The following PTPRT variants were observed in gnomAD, a reference collection of about 807,000 sequenced individuals.
The protein encoded by PTPRT is protein tyrosine phosphatase receptor type T.
In PTPRT, 56 loss-of-function variants were observed where a neutral mutation model predicts 176.8. That is an observed-to-expected ratio of 0.32 (90% CI 0.26 to 0.40). PTPRT has a LOEUF of 0.40. Ranked by LOEUF, PTPRT falls within the 10% of genes least tolerant of loss-of-function variation. The probability of loss-of-function intolerance (pLI) is 1.00; values close to 1 mark genes in which losing one functional copy is unlikely to be tolerated. For missense variants in PTPRT, 1,540 were observed against 1,908.2 expected, an observed-to-expected ratio of 0.81 and a Z score of 3.60; for synonymous variants, 783 against 739.0, an observed-to-expected ratio of 1.06 and a Z score of -0.96.
intron 1 of PTPRT, among the ~76,000 whole-genome samples, chr20:43,080,401 T>TA (rs1219002967): frequency 2.0e-5 from 3 of 152,262 alleles, no homozygotes; most frequent in African/African-American, 7.2e-5. Flanking sequence ...ATTTTGGAGT[T>TA]ACTGCTACAG....
intron 15 of PTPRT, among the ~76,000 whole-genome samples, chr20:42,211,532 A>G (rs1402779851): frequency 6.7e-6 from 1 of 149,726 alleles, no homozygotes; most frequent in East Asian, 2.0e-4. Flanking sequence ...TGCAGCCAAA[A>G]AACACATGAA....
At chr20:42,127,085 G>A (rs1234009180) in intron 19 of PTPRT, among the ~76,000 whole-genome samples, 1 of 152,242 alleles carries the variant, frequency 6.6e-6, no homozygotes, top group Non-Finnish European at 1.5e-5. Flanking sequence ...AGTGATGGAG[G>A]AGCCAAGATG....
Position 43,178,663 on chromosome 20 carries a change from CTGTTAAGTGCATTTG to C in PTPRT, c.88+10968_88+10982del, listed in dbSNP as rs2015177996. 2.6e-5 allele frequency among the ~76,000 whole-genome samples: 4 copies of C among 152,290 alleles called. No homozygotes were observed. In the South Asian group the frequency reaches 8.3e-4, roughly 32 times the overall value. On this transcript the variant is annotated intron_variant, in intron 1 of 30. Transcript: ENST00000373187. ...GCAGAACAAGTTCCTTGACCCAGGCCTGTTAAGTGCATTTGTGCAGGTTCCACACAACAACAGGCA... is the reference window on the plus strand; with the variant it reads ...GCAGAACAAGTTCCTTGACCCAGGCCTGCAGGTTCCACACAACAACAGGCA...
At chr20:42,767,195 G>C (rs2076994864) in intron 5 of PTPRT, among the ~76,000 whole-genome samples, 1 of 152,138 alleles carries the variant, frequency 6.6e-6, no homozygotes, top group South Asian at 2.1e-4. Flanking sequence ...GAGTCAACTT[G>C]ACTGTAACAG....
chr20:42,244,676 A>G (rs542658765), intron 14 of PTPRT, among the ~76,000 whole-genome samples: 4 of 152,320 alleles, frequency 2.6e-5, no homozygotes, highest in African/African-American at 9.6e-5. Flanking sequence ...TTCAGACTCC[A>G]GGAAGTGTGT....
Position 42,248,687 on chromosome 20 carries a change from C to T in PTPRT, c.2312G>A (p.Arg771Lys). The change falls in exon 14 of 31, where the codon AGA becomes AAA. Residue 771 changes from arginine to lysine, a missense_variant and splice_region_variant. Arg to Lys is a conservative substitution (Grantham distance 26). Around this residue, in one of 11 missense-constraint regions of PTPRT, gnomAD observed 255 missense variants for 250.1 expected, o/e 1.02. Coordinates refer to ENST00000373187, the MANE Select transcript of PTPRT (RefSeq NM_007050.6). ...LLGVMLTIKR[R>K]RNAYSYSYYL... ...CTTGCAGGCAGCAGCAGAGACTCAC[C>T]TCCTTTTGATGGTGAGCATCACGCC... 6.2e-7 allele frequency: 1 copy of T among 1,613,758 alleles called. No individual in the cohort carries two copies. The highest frequency in any genetic ancestry group is 8.5e-7 in the Non-Finnish European group (1 of 1,179,802).
intron 16 of PTPRT, among the ~76,000 whole-genome samples, chr20:42,176,259 T>C (rs575975754): frequency 3.9e-5 from 6 of 152,214 alleles, no homozygotes; most frequent in Admixed American, 1.3e-4. Flanking sequence ...TCATCTGTCA[T>C]GTCTTCTAAT....
intron 22 of PTPRT, among the ~76,000 whole-genome samples, chr20:42,114,158 C>T (rs1051380925): frequency 6.6e-6 from 1 of 152,164 alleles, no homozygotes; most frequent in East Asian, 1.9e-4. Flanking sequence ...AGAAATGGAA[C>T]CTATGGTGTA....
chr20:43,099,069 G>T (rs1208071398), intron 1 of PTPRT, among the ~76,000 whole-genome samples: 2 of 151,884 alleles, frequency 1.3e-5, no homozygotes, highest in Non-Finnish European at 2.9e-5. Context: ...TCTACCTCGG[G>T]TGATGGCAGT....
intron 1 of PTPRT, among the ~76,000 whole-genome samples, chr20:43,168,051 A>G (rs2014900693): frequency 6.6e-6 from 1 of 152,262 alleles, no homozygotes; most frequent in African/African-American, 2.4e-5. Context: ...TAACTAGTAC[A>G]GGGTCCAACT....
intron 1 of PTPRT, among the ~76,000 whole-genome samples, chr20:43,140,478 G>A (rs1458360979): frequency 1.4e-5 from 1 of 73,034 alleles, no homozygotes; most frequent in South Asian, 4.5e-4. Flanking sequence ...GTGTGTGTGT[G>A]TGTGTGTGTG....
intron 7 of PTPRT, among the ~76,000 whole-genome samples, chr20:42,606,184 T>C (rs1277820128): frequency 1.3e-5 from 2 of 152,126 alleles, no homozygotes; most frequent in African/African-American, 4.8e-5. Context: ...TTCACTCACC[T>C]CTAATTCCCT....
intron 1 of PTPRT, among the ~76,000 whole-genome samples, chr20:43,154,160 A>G (rs1289071918): frequency 3.3e-5 from 5 of 152,198 alleles, no homozygotes; most frequent in African/African-American, 7.2e-5. Flanking sequence ...TGGGACTTAT[A>G]TTTAAGTCTT....
intron 2 of PTPRT, among the ~76,000 whole-genome samples, chr20:42,870,419 T>C (rs1421123926): frequency 2.0e-5 from 3 of 152,230 alleles, no homozygotes; most frequent in Non-Finnish European, 2.9e-5. Context: ...GATGAACATT[T>C]GGGTTGCTTC....
At chr20:42,280,008 C>A (rs2057112456) in intron 13 of PTPRT, among the ~76,000 whole-genome samples, 2 of 152,106 alleles carry the variant, frequency 1.3e-5, no homozygotes, top group African/African-American at 4.8e-5. Context: ...GACTGGTGAC[C>A]CATCTCTGGG....
intron 15 of PTPRT, among the ~76,000 whole-genome samples, chr20:42,214,609 G>A (rs748736161): frequency 4.6e-5 from 7 of 152,206 alleles, no homozygotes; most frequent in South Asian, 4.1e-4. Context: ...CCATATCTGT[G>A]CCTCTATCTG....
At chr20:42,386,496 G>A (rs1209228842) in intron 9 of PTPRT, among the ~76,000 whole-genome samples, 2 of 152,180 alleles carry the variant, frequency 1.3e-5, no homozygotes, top group African/African-American at 4.8e-5. Flanking sequence ...CCTGAGAGGA[G>A]TGGAACTGGA....
chr20:43,137,312 G>A (rs918575199), intron 1 of PTPRT, among the ~76,000 whole-genome samples: 3 of 152,142 alleles, frequency 2.0e-5, no homozygotes, highest in African/African-American at 7.2e-5. Context: ...CAGCCTGTGG[G>A]CCAGATCTGG....
chr20:42,228,896 T>G (rs892826560), intron 15 of PTPRT, among the ~76,000 whole-genome samples: 4 of 152,166 alleles, frequency 2.6e-5, no homozygotes, highest in Non-Finnish European at 4.4e-5. Context: ...GAAGGGATCA[T>G]GAATTAGTAA....
Sources: gnomAD v4.1 joint callset for allele counts (sites outside exome capture counted in the v4.1 genomes callset) on GRCh38, gnomAD v4.1.1 for gene constraint, gnomAD v4.1.1 regional missense constraint, MANE v1.5 for transcripts, NCBI Gene and HGNC (gene_info 2026-07-23, HGNC 2026-07-21) for gene names.